SLC35F3: variants seen among roughly 807,000 people sequenced by gnomAD.
SLC35F3 encodes the protein putative thiamine transporter SLC35F3.
In SLC35F3, 25 loss-of-function variants were observed where a neutral mutation model predicts 49.9. The observed-to-expected ratio is 0.50, with a 90% CI of 0.37 to 0.70. The LOEUF (loss-of-function observed/expected upper bound fraction) is 0.70, where lower values mean the gene tolerates loss of function less well. Among genes scored for constraint, SLC35F3 ranks in the 30% least tolerant of loss-of-function variants. SLC35F3 has a pLI of 0.00. For missense variants in SLC35F3, 525 were observed against 639.8 expected (o/e 0.82, Z 1.94); for synonymous variants, 275 against 265.4 (o/e 1.04, Z -0.35).
intron 2 of SLC35F3, among the ~76,000 whole-genome samples, chr1:234,189,760 A>C (rs1435130774): frequency 6.6e-6 from 1 of 152,198 alleles, no homozygotes; most frequent in Non-Finnish European, 1.5e-5. Flanking sequence ...ACCTAGGCAC[A>C]TAGTTATCAA....
At chr1:233,975,486 T>C (rs1394528107) in intron 2 of SLC35F3, among the ~76,000 whole-genome samples, 1 of 152,160 alleles carries the variant, frequency 6.6e-6, no homozygotes, top group Non-Finnish European at 1.5e-5. Flanking sequence ...CAGATTGTGT[T>C]TGGGGGGAGA....
At chr1:234,130,436 C>T (rs1665716849) in intron 2 of SLC35F3, among the ~76,000 whole-genome samples, 1 of 149,200 alleles carries the variant, frequency 6.7e-6, no homozygotes. Flanking sequence ...GTCAGGAGAT[C>T]GAGGCCATCC....
At chr1:234,089,900 A>G (rs1169732843) in intron 2 of SLC35F3, among the ~76,000 whole-genome samples, 2 of 152,228 alleles carry the variant, frequency 1.3e-5, no homozygotes, top group Non-Finnish European at 2.9e-5. Context: ...AATGTGAAAG[A>G]TAAAAAGATA....
intron 2 of SLC35F3, among the ~76,000 whole-genome samples, chr1:234,223,785 T>C (rs973393226): frequency 2.0e-5 from 3 of 152,150 alleles, no homozygotes; most frequent in African/African-American, 7.2e-5. Flanking sequence ...CAACATATCA[T>C]AGCTTTTAAA....
chr1:234,258,002 G>A (rs1667848248), intron 3 of SLC35F3, among the ~76,000 whole-genome samples: 1 of 152,204 alleles, frequency 6.6e-6, no homozygotes, highest in African/African-American at 2.4e-5. Flanking sequence ...GTAATCGCCT[G>A]CAGTTCTTGC....
At chr1:234,081,658 A>C (rs1490410154) in intron 2 of SLC35F3, among the ~76,000 whole-genome samples, 2 of 151,602 alleles carry the variant, frequency 1.3e-5, no homozygotes, top group Non-Finnish European at 2.9e-5. Context: ...TGTCTTGTCC[A>C]CTGTAAAAGA....
At chr1:234,146,174 A>G (rs1665992125) in intron 2 of SLC35F3, among the ~76,000 whole-genome samples, 1 of 151,866 alleles carries the variant, frequency 6.6e-6, no homozygotes, top group African/African-American at 2.4e-5. Context: ...TTTTCATTTA[A>G]TGTATTTTTT....
intron 3 of SLC35F3, among the ~76,000 whole-genome samples, chr1:234,296,185 C>G (rs1184535066): frequency 3.3e-5 from 5 of 152,148 alleles, no homozygotes; most frequent in Non-Finnish European, 7.3e-5. Flanking sequence ...TGACACTTTC[C>G]TGAGCCGCCT....
intron 2 of SLC35F3, among the ~76,000 whole-genome samples, chr1:233,935,044 T>C (rs979022028): frequency 1.3e-5 from 2 of 151,958 alleles, no homozygotes; most frequent in South Asian, 2.1e-4. Context: ...CCATATGTTA[T>C]GTATGTTTAC....
In SLC35F3 at chr1:234,323,518, T is replaced by C. The variant is rs141769733; in HGVS notation, c.*275T>C. 240 of 457,800 alleles carry C rather than the reference T, an allele frequency of 5.2e-4. No individual in the cohort carries two copies. Among genetic ancestry groups the C allele is most frequent in the African/African-American group, 4.3e-3 (219 of 51,392 alleles). The allele number at this position is 457,800 out of a possible 1,614,324, so 28.4% of individuals were successfully genotyped here. On this transcript the variant is annotated 3_prime_UTR_variant, in exon 8 of 8. Transcript: ENST00000366618. This position sits in a 1 kb window ranked among gnomAD's most constrained non-coding sequence, Gnocchi z 4.5. ...AGTTCCCTGCGTAGATCGTTTTGGATGGCTGACGTTCTTGACAAGCCAGCC... is the reference window on the plus strand; with the variant it reads ...AGTTCCCTGCGTAGATCGTTTTGGACGGCTGACGTTCTTGACAAGCCAGCC...
At chr1:234,281,126 G>A (rs997255339) in intron 3 of SLC35F3, among the ~76,000 whole-genome samples, 2 of 151,952 alleles carry the variant, frequency 1.3e-5, no homozygotes, top group African/African-American at 4.8e-5. Context: ...CTAACCCCCA[G>A]TACTTCAGAA....
intron 3 of SLC35F3, chr1:234,274,170 A>C (rs1668159613): frequency 6.6e-6 from 1 of 152,254 alleles, no homozygotes; most frequent in Non-Finnish European, 1.5e-5. Context: ...ATTTCCAGGC[A>C]GCTGGAGAAC....
intron 2 of SLC35F3, among the ~76,000 whole-genome samples, chr1:234,043,261 T>C (rs1664247600): frequency 6.6e-6 from 1 of 152,182 alleles, no homozygotes. Context: ...GGTCTCAGAA[T>C]CCCTTCACAT....
intron 3 of SLC35F3, among the ~76,000 whole-genome samples, chr1:234,286,582 A>G (rs1029671751): frequency 3.3e-5 from 5 of 152,240 alleles, no homozygotes; most frequent in African/African-American, 4.8e-5. Flanking sequence ...ACTGGATAAT[A>G]CTAGTAATAT....
rs1482858755 is a variant in SLC35F3 at position 234,231,407 on chromosome 1, T to C, written c.284-10T>C. ...GCAGGCCCCGCTAACCACGCCCTTC[T>C]CTTCCCCAGGGGAGGAGCGCCCCCG... On this transcript the variant is annotated splice_polypyrimidine_tract_variant and intron_variant, in intron 2 of 7. Transcript: ENST00000366618. This position sits in a 1 kb window ranked among gnomAD's most constrained non-coding sequence, Gnocchi z 5.4. The C allele has an allele frequency of 2.0e-6, 3 of 1,521,886 alleles. No individual in the cohort carries two copies. The highest frequency in any genetic ancestry group is 2.2e-5 in the Admixed American group (1 of 45,852). The allele number at this position is 1,521,886 out of a possible 1,614,324, so 94.3% of individuals were successfully genotyped here.
chr1:234,097,089 A>G (rs947037615), intron 2 of SLC35F3, among the ~76,000 whole-genome samples: 3 of 152,164 alleles, frequency 2.0e-5, no homozygotes, highest in Admixed American at 2.0e-4. Context: ...GGGTTTCTTC[A>G]CGTTGGTCAG....
chr1:234,211,804 T>C (rs894654126), intron 2 of SLC35F3, among the ~76,000 whole-genome samples: 2 of 152,126 alleles, frequency 1.3e-5, no homozygotes, highest in Admixed American at 1.3e-4. Flanking sequence ...ATTAAGACTT[T>C]GGGGGATAGA....
chr1:234,284,153 C>A (rs556133763), intron 3 of SLC35F3, among the ~76,000 whole-genome samples: 2 of 152,330 alleles, frequency 1.3e-5, no homozygotes, highest in African/African-American at 4.8e-5. Context: ...AATCCTCCCA[C>A]CTTGGCCTCC....
chr1:233,969,913 G>C (rs534733749), intron 2 of SLC35F3, among the ~76,000 whole-genome samples: 1 of 152,152 alleles, frequency 6.6e-6, no homozygotes, highest in Admixed American at 6.5e-5. Context: ...GCTGGGGAAC[G>C]GGGAAGGATT....
Sources: gnomAD v4.1 joint callset for allele counts (sites outside exome capture counted in the v4.1 genomes callset) on GRCh38, gnomAD v4.1.1 for gene constraint, Gnocchi (gnomAD v3.1) non-coding constraint, MANE v1.5 for transcripts, NCBI Gene and HGNC (gene_info 2026-07-23, HGNC 2026-07-21) for gene names.